ZNF69: variants seen among roughly 807,000 people sequenced by gnomAD.
ZNF69 encodes ZNF3.
Under a neutral mutation model 50.9 loss-of-function variants are expected in ZNF69, and 47 were observed. The ratio of observed to expected loss-of-function variants is 0.92; its 90% CI spans 0.73 to 1.18. The LOEUF is 1.18. Among genes scored for constraint, ZNF69 ranks in the 50% most tolerant of loss-of-function variants. ZNF69 has a pLI of 0.00. For synonymous variants in ZNF69, 216 were observed against 223.1 expected, an observed-to-expected ratio of 0.97 and a Z score of 0.29; for missense variants, 717 against 675.1, an observed-to-expected ratio of 1.06 and a Z score of -0.69.
At chr19:11,931,930 G>A in the ZNF69 span, among the ~76,000 whole-genome samples, 1 of 147,760 alleles carries the variant, frequency 6.8e-6, no homozygotes, top group Non-Finnish European at 1.5e-5. Context: ...ACCCTGACGA[G>A]CATGGAGAAA....
At chr19:11,919,598 A>C in the ZNF69 span, among the ~76,000 whole-genome samples, 1 of 152,126 alleles carries the variant, frequency 6.6e-6, no homozygotes. Context: ...TCTCAAAAAC[A>C]AAACTTATAC....
At chr19:11,888,690 G>A (rs1031907058) in intron 1 of ZNF69, among the ~76,000 whole-genome samples, 4 of 152,218 alleles carry the variant, frequency 2.6e-5, no homozygotes, top group African/African-American at 7.2e-5. Flanking sequence ...GGACCTGGCC[G>A]GGCACGGTGG....
At position 11,905,116 on chromosome 19, in the gene ZNF69, G is replaced by A; in HGVS notation, c.719G>A (p.Arg240Lys). Residue 240 changes from arginine (R) to lysine (K), a missense_variant, in exon 4 of 4, where the codon AGA (arginine) becomes AAA (lysine). Arg to Lys is a conservative substitution (Grantham distance 26). Transcript: ENST00000429654. Reference sequence around the variant, plus strand: ...CTCAGTTTATATCTTATCCATGAAAGAATTCACACTGGAGAGAAACCATAT... The same window carrying A: ...CTCAGTTTATATCTTATCCATGAAAAAATTCACACTGGAGAGAAACCATAT... ...HCLSLYLIHERIHTGEKPYEC... is the reference protein window; with the variant it reads ...HCLSLYLIHEKIHTGEKPYEC... 1 of 1,614,160 alleles carries A rather than the reference G, an allele frequency of 6.2e-7. No individual in the cohort carries two copies. The highest frequency in any genetic ancestry group is 1.1e-5 in the South Asian group (1 of 91,082).
chr19:11,933,406 A>G, the ZNF69 span, among the ~76,000 whole-genome samples: 2 of 147,782 alleles, frequency 1.4e-5, no homozygotes, highest in Non-Finnish European at 2.9e-5. Context: ...ATGAAACTTC[A>G]CTCTTTTTGG....
chr19:11,935,616 G>C, the ZNF69 span, among the ~76,000 whole-genome samples: 12 of 152,048 alleles, frequency 7.9e-5, no homozygotes, highest in African/African-American at 2.9e-4. Context: ...TCCATCACCA[G>C]ATAGGCGTTC....
At chr19:11,978,405 A>C in the ZNF69 span, 2 of 1,614,194 alleles carry the variant, frequency 1.2e-6, no homozygotes, top group South Asian at 2.2e-5. Context: ...CTCCTTTAGA[A>C]CACAAGAAAG....
At chr19:11,931,611 A>G in the ZNF69 span, among the ~76,000 whole-genome samples, 4 of 148,232 alleles carry the variant, frequency 2.7e-5, no homozygotes, top group Non-Finnish European at 5.9e-5. Flanking sequence ...AATTTTAGTG[A>G]GGGAAACAAA....
chr19:11,889,907 A>C (rs1156240453), intron 1 of ZNF69, among the ~76,000 whole-genome samples: 1 of 152,208 alleles, frequency 6.6e-6, no homozygotes, highest in Non-Finnish European at 1.5e-5. Context: ...TATCATGAAT[A>C]AGTTCAAGGA....
chr19:11,938,530 C>A, the ZNF69 span, among the ~76,000 whole-genome samples: 1 of 152,082 alleles, frequency 6.6e-6, no homozygotes, highest in Non-Finnish European at 1.5e-5. Flanking sequence ...TAATGGTTTC[C>A]AGCTTCATCC....
intron 1 of ZNF69, 65 bp from the exon 2 acceptor site, chr19:11,903,508 T>C (rs1972291737): frequency 6.3e-7 from 1 of 1,596,332 alleles, no homozygotes; most frequent in Non-Finnish European, 8.5e-7. Flanking sequence ...TTCTTGAGAA[T>C]AGAGTCTAGG....
At chr19:11,964,675 G>C in the ZNF69 span, among the ~76,000 whole-genome samples, 1 of 152,156 alleles carries the variant, frequency 6.6e-6, no homozygotes. Context: ...TTCCCCTGCT[G>C]CTCTGAGGCC....
intron 1 of ZNF69, among the ~76,000 whole-genome samples, chr19:11,899,446 C>T (rs1343908080): frequency 6.6e-6 from 1 of 152,082 alleles, no homozygotes; most frequent in Non-Finnish European, 1.5e-5. Flanking sequence ...TCTTTCATTA[C>T]TGAGTAACAT....
chr19:11,974,419 A>C, the ZNF69 span, among the ~76,000 whole-genome samples: 1 of 151,750 alleles, frequency 6.6e-6, no homozygotes, highest in South Asian at 2.1e-4. Flanking sequence ...GTGGTCTCAA[A>C]TTTCTGACCT....
chr19:11,954,628 C>T, the ZNF69 span, among the ~76,000 whole-genome samples: 1 of 152,058 alleles, frequency 6.6e-6, no homozygotes, highest in African/African-American at 2.4e-5. Context: ...CCCAGGAGCT[C>T]AAGACCAGCC....
the ZNF69 span, among the ~76,000 whole-genome samples, chr19:11,954,915 A>G: frequency 1.3e-5 from 2 of 152,152 alleles, no homozygotes; most frequent in Admixed American, 1.3e-4. Context: ...TTGGAAAGAT[A>G]AGAAAATTTT....
chr19:11,972,265 A>G, the ZNF69 span, among the ~76,000 whole-genome samples: 1 of 152,026 alleles, frequency 6.6e-6, no homozygotes, highest in Non-Finnish European at 1.5e-5. Context: ...AGCCTGGGCA[A>G]CAGAATGAGC....
the ZNF69 span, among the ~76,000 whole-genome samples, chr19:11,955,396 CTTTTT>C: frequency 1.5e-5 from 2 of 132,236 alleles, no homozygotes; most frequent in African/African-American, 2.7e-5. Context: ...TTCTTTCTTT[CTTTTT>C]TTTTTTTTTT....
chr19:11,971,524 G>A, the ZNF69 span, among the ~76,000 whole-genome samples: 2 of 151,872 alleles, frequency 1.3e-5, no homozygotes, highest in South Asian at 2.1e-4. Flanking sequence ...TCAGTTTTTA[G>A]AAGTACTTTT....
At chr19:11,928,019 A>G in the ZNF69 span, among the ~76,000 whole-genome samples, 8 of 150,708 alleles carry the variant, frequency 5.3e-5, no homozygotes, top group East Asian at 3.9e-4. Flanking sequence ...TTTTTTTGAG[A>G]CAGTATCTTG....
Sources: allele counts gnomAD v4.1 joint callset (sites outside exome capture counted in the v4.1 genomes callset), GRCh38; gene constraint gnomAD v4.1.1; transcripts MANE v1.5; gene names NCBI Gene and HGNC (gene_info 2026-07-23, HGNC 2026-07-21).